RBFOX1: variants seen among roughly 807,000 people sequenced by gnomAD.
The protein encoded by RBFOX1 is RNA binding fox-1 homolog 1, also known as RNA binding protein fox-1 homolog 1.
Under a neutral mutation model 57.7 loss-of-function variants are expected in RBFOX1, and 8 were observed. The ratio of observed to expected loss-of-function variants is 0.14; its 90% CI spans 0.08 to 0.25. The LOEUF is 0.25. Among genes scored for constraint, RBFOX1 ranks in the 10% least tolerant of loss-of-function variants. The pLI is 1.00. For synonymous variants in RBFOX1, 326 were observed against 222.4 expected (o/e 1.47, Z -4.15); for missense variants, 611 against 548.5 (o/e 1.11, Z -1.14).
chr16:6,737,886 G>A (rs189371348), intron 3 of RBFOX1, among the ~76,000 whole-genome samples: 108 of 152,150 alleles, frequency 7.1e-4, no homozygotes, highest in Non-Finnish European at 8.8e-5. Context: ...TCGAGATGGG[G>A]GAAGCCATGA....
chr16:7,579,081 G>T (rs952276879), intron 5 of RBFOX1, among the ~76,000 whole-genome samples: 1 of 152,206 alleles, frequency 6.6e-6, no homozygotes, highest in Non-Finnish European at 1.5e-5. Context: ...TGGTTCTTGA[G>T]CGCTTGAAAT....
intron 3 of RBFOX1, among the ~76,000 whole-genome samples, chr16:5,822,351 G>A (rs775925008): frequency 3.2e-4 from 49 of 152,122 alleles, no homozygotes; most frequent in Non-Finnish European, 6.3e-4. Context: ...TGGGTGGTGG[G>A]TGTGGCAGGT....
chr16:5,861,283 C>A (rs2057207158), intron 3 of RBFOX1, among the ~76,000 whole-genome samples: 1 of 152,170 alleles, frequency 6.6e-6, no homozygotes, highest in Non-Finnish European at 1.5e-5. Flanking sequence ...TGCTTACACC[C>A]CCGTGCCACA....
chr16:7,392,210 A>G (rs56073044), intron 4 of RBFOX1, among the ~76,000 whole-genome samples: 12,344 of 152,192 alleles, frequency 0.081, 540 homozygotes, highest in East Asian at 0.2. Flanking sequence ...ACCTCTGCCT[A>G]CATGTCCCTT....
intron 4 of RBFOX1, chr16:7,332,927 T>C: frequency 6.2e-7 from 1 of 1,603,434 alleles, no homozygotes; most frequent in Non-Finnish European, 8.5e-7. Context: ...TCGGAAGAAG[T>C]TGGGTCTATA....
chr16:5,320,165 C>T (rs547976367), intron 1 of RBFOX1, among the ~76,000 whole-genome samples: 4 of 152,246 alleles, frequency 2.6e-5, no homozygotes, highest in African/African-American at 4.8e-5. Context: ...CATAGGTGTG[C>T]GTGTAACCAG....
chr16:7,460,962 A>T (rs1308056977), intron 4 of RBFOX1, among the ~76,000 whole-genome samples: 1 of 152,154 alleles, frequency 6.6e-6, no homozygotes, highest in Non-Finnish European at 1.5e-5. Context: ...AATAATCAAG[A>T]TTGATCTCCT....
chr16:7,130,730 T>G (rs1027025732), intron 4 of RBFOX1, among the ~76,000 whole-genome samples: 11 of 152,226 alleles, frequency 7.2e-5, no homozygotes, highest in Non-Finnish European at 1.5e-4. Flanking sequence ...CGAAGCCCAT[T>G]CCTGGCCAAA....
chr16:5,370,643 C>G (rs979637083), intron 1 of RBFOX1, among the ~76,000 whole-genome samples: 1 of 152,040 alleles, frequency 6.6e-6, no homozygotes. Flanking sequence ...CAGGCACGTG[C>G]TACCACACTC....
At chr16:5,634,105 C>G (rs2048607151) in intron 3 of RBFOX1, among the ~76,000 whole-genome samples, 1 of 152,174 alleles carries the variant, frequency 6.6e-6, no homozygotes, top group Non-Finnish European at 1.5e-5. Context: ...ATGATCCTTA[C>G]CCTTTACCTT....
At chr16:5,919,977 C>T (rs139864067) in intron 4 of RBFOX1, among the ~76,000 whole-genome samples, 41 of 152,174 alleles carry the variant, frequency 2.7e-4, no homozygotes, top group African/African-American at 8.9e-4. Flanking sequence ...CTCGCACTGT[C>T]GCCCAGGCTG....
Position 6,609,540 on chromosome 16 carries a change from C to G in RBFOX1, c.-63-45063C>G, listed in dbSNP as rs1034414075. On this transcript the variant is annotated intron_variant, in intron 2 of 15. Transcript: ENST00000550418. ...TGTATTTTTTGTAACAACGGGGTTT[C>G]ACTACATTGCCCAGGCTGGTATGAT... is the stretch of plus-strand genomic sequence containing the variant. 4.6e-5 allele frequency among the ~76,000 whole-genome samples: 7 copies of G among 152,000 alleles called. No homozygotes were observed. In the South Asian group the frequency reaches 1.0e-3, roughly 23 times the overall value.
At chr16:6,198,026 T>C (rs868413888) in intron 1 of RBFOX1, among the ~76,000 whole-genome samples, 1 of 152,242 alleles carries the variant, frequency 6.6e-6, no homozygotes, top group Non-Finnish European at 1.5e-5. Flanking sequence ...CTTTAATCTC[T>C]TTCATAATAA....
At chr16:5,493,338 C>G (rs948193742) in intron 2 of RBFOX1, among the ~76,000 whole-genome samples, 12 of 152,190 alleles carry the variant, frequency 7.9e-5, no homozygotes, top group Admixed American at 7.2e-4. Flanking sequence ...TCCCAAAGTC[C>G]TATGACCCAC....
chr16:6,457,318 A>G (rs1481981504), intron 2 of RBFOX1, among the ~76,000 whole-genome samples: 2 of 152,052 alleles, frequency 1.3e-5, no homozygotes, highest in Non-Finnish European at 1.5e-5. Flanking sequence ...GTCCCTTGCC[A>G]ATGGAAGCCA....
At position 7,047,320 on chromosome 16, in the gene RBFOX1, C is replaced by T. The variant is rs572263372; in HGVS notation, c.-15-4737C>T. ...ATATTTTCATTGGATGTAGTATTCT[C>T]AGTTGACAATTATTTTTTCAGTATT... On this transcript the variant is annotated intron_variant, in intron 3 of 15. Coordinates refer to ENST00000550418, the MANE Select transcript of RBFOX1 (RefSeq NM_018723.4). Among the ~76,000 whole-genome samples, 132 of 152,226 alleles carry T rather than the reference C, an allele frequency of 8.7e-4. 1 individual carries two copies. Among genetic ancestry groups the T allele is most frequent in the African/African-American group, 3.2e-3 (131 of 41,548 alleles).
At chr16:7,279,086 ACT>A (rs903058173) in intron 4 of RBFOX1, among the ~76,000 whole-genome samples, 9 of 137,406 alleles carry the variant, frequency 6.5e-5, no homozygotes, top group South Asian at 2.3e-4. Context: ...GTTTCTGGAG[ACT>A]CTTTTTTTTT....
chr16:6,899,770 A>G (rs1350139608), intron 3 of RBFOX1, among the ~76,000 whole-genome samples: 1 of 152,248 alleles, frequency 6.6e-6, no homozygotes, highest in African/African-American at 2.4e-5. Flanking sequence ...AATGAAGTAC[A>G]TCATACTTAC....
intron 4 of RBFOX1, among the ~76,000 whole-genome samples, chr16:7,062,033 C>T (rs138459611): frequency 1.8e-4 from 27 of 152,012 alleles, no homozygotes; most frequent in South Asian, 8.3e-4. Flanking sequence ...AAAATGGCAA[C>T]GAGGCCGGGT....
Sources: allele counts gnomAD v4.1 joint callset (sites outside exome capture counted in the v4.1 genomes callset), GRCh38; gene constraint gnomAD v4.1.1; transcripts MANE v1.5; gene names NCBI Gene and HGNC (gene_info 2026-07-23, HGNC 2026-07-21).